The following ITIH5 variants were observed in gnomAD, a reference collection of about 807,000 sequenced individuals.
ITIH5 encodes inter-alpha-trypsin inhibitor heavy chain 5, also known as inter-alpha-trypsin inhibitor heavy chain H5.
In ITIH5, 65 loss-of-function variants were observed where a neutral mutation model predicts 77.5. That is an observed-to-expected ratio of 0.84 (90% CI 0.69 to 1.03). The LOEUF (loss-of-function observed/expected upper bound fraction) is 1.03, where lower values mean the gene tolerates loss of function less well. ITIH5 is among the 50% of genes least tolerant of loss of function. The probability of loss-of-function intolerance (pLI) is 0.00; values close to 1 mark genes in which losing one functional copy is unlikely to be tolerated. For missense variants in ITIH5, 1,208 were observed against 1,213.1 expected, an observed-to-expected ratio of 1.00 and a Z score of 0.06; for synonymous variants, 525 against 494.3, an observed-to-expected ratio of 1.06 and a Z score of -0.82.
intron 7 of ITIH5, among the ~76,000 whole-genome samples, chr10:7,612,679 A>C (rs1417806044): frequency 6.6e-6 from 1 of 150,920 alleles, no homozygotes; most frequent in Non-Finnish European, 1.5e-5. Flanking sequence ...TTTTTTAGAA[A>C]GGAAAAGAAA....
At chr10:7,593,487 C>A (rs7093748) in intron 7 of ITIH5, among the ~76,000 whole-genome samples, 33 of 20,666 alleles carry the variant, frequency 1.6e-3, no homozygotes, top group South Asian at 4.6e-3. Context: ...TGCAGCCACC[C>A]AGCCCCACTC....
At chr10:7,592,878 C>T (rs1292290371) in intron 7 of ITIH5, among the ~76,000 whole-genome samples, 2 of 151,974 alleles carry the variant, frequency 1.3e-5, no homozygotes, top group South Asian at 2.1e-4. Context: ...CATGCAGTGG[C>T]GGTGGTGGGG....
At chr10:7,643,627 G>A (rs1833922737) in intron 2 of ITIH5, among the ~76,000 whole-genome samples, 1 of 152,180 alleles carries the variant, frequency 6.6e-6, no homozygotes, top group Non-Finnish European at 1.5e-5. Context: ...ACTCTGATAA[G>A]ATTCTACTCT....
chr10:7,610,741 A>G (rs1008085574), intron 7 of ITIH5, among the ~76,000 whole-genome samples: 5 of 152,238 alleles, frequency 3.3e-5, no homozygotes, highest in African/African-American at 1.2e-4. Flanking sequence ...AGAACTGCAA[A>G]AATAGTCCGC....
chr10:7,562,655 G>T lies in ITIH5; in HGVS notation c.*428C>A. 1 of 201,366 alleles carries T rather than the reference G, an allele frequency of 5.0e-6. No individual in the cohort carries two copies. The highest frequency in any genetic ancestry group is 1.0e-4 in the South Asian group (1 of 9,822). 12.5% of individuals were successfully genotyped at this position (201,366 alleles called of 1,614,324 possible). On this transcript the variant is annotated 3_prime_UTR_variant, in exon 14 of 14. Coordinates refer to ENST00000397146, the MANE Select transcript of ITIH5 (RefSeq NM_030569.7). The stretch of plus-strand genomic sequence containing the variant: ...TGAAAAGACAGCTTTCTAAGCATTA[G>T]TGTAAGGCAAAAAGCAGAGTGCCTA...
rs996267123 is a variant in ITIH5, at chr10:7,641,821, A to T, written c.299+106T>A. 3.6e-6 allele frequency: 3 copies of T among 841,738 alleles called. No individual in the cohort carries two copies. In the East Asian group the frequency reaches 7.3e-5, roughly 21 times the overall value. The allele number at this position is 841,738 out of a possible 1,614,324, so 52.1% of individuals were successfully genotyped here. A position where few individuals can be genotyped will look rare whatever the true frequency, so the allele number is the denominator to read the frequency against. On this transcript the variant is annotated intron_variant, in intron 3 of 13. Coordinates refer to ENST00000397146, the MANE Select transcript of ITIH5 (RefSeq NM_030569.7). ...TGACCTTCTGATCTATATACCATCT[A>T]CTGGAATATAAATCCTCACAGTCAC...
intron 2 of ITIH5, among the ~76,000 whole-genome samples, chr10:7,644,529 T>A (rs1398125186): frequency 8.5e-6 from 1 of 117,464 alleles, no homozygotes; most frequent in African/African-American, 3.6e-5. Flanking sequence ...CACATATATA[T>A]GATATATCAC....
chr10:7,642,741 A>G (rs759160418), intron 2 of ITIH5, among the ~76,000 whole-genome samples: 27 of 152,242 alleles, frequency 1.8e-4, no homozygotes, highest in Admixed American at 3.9e-4. Flanking sequence ...TGCAAATGTA[A>G]AAGCCTGTTA....
chr10:7,590,002 A>C (rs4481931), intron 7 of ITIH5, among the ~76,000 whole-genome samples: 39,385 of 146,826 alleles, frequency 0.27, 5,402 homozygotes, highest in East Asian at 0.5. Context: ...AGGTGACATC[A>C]TCCATCCCCA....
In ITIH5 at chr10:7,576,606, C is replaced by T. The variant is rs148052082; in HGVS notation, c.1825G>A (p.Ala609Thr). 6.2e-7 allele frequency: 1 copy of T among 1,614,112 alleles called. No homozygotes were observed. Among genetic ancestry groups the T allele is most frequent in the Non-Finnish European group, 8.5e-7 (1 of 1,180,048 alleles). ...GGAGTGAGGAAGCGGTAGCTCACAG[C>T]CAGGGCCTGGGCCCGCTGCCGCAGC... ...ERLRQRAQAL[A>T]VSYRFLTPFT... The change falls in exon 10 of 14, where the codon GCT (alanine) becomes ACT (threonine). Residue 609 changes from alanine (A) to threonine (T), a missense_variant. Ala to Thr is a moderately conservative substitution (Grantham distance 58). Transcript: ENST00000397146.
At chr10:7,595,681 T>C (rs1239928095) in intron 7 of ITIH5, among the ~76,000 whole-genome samples, 2 of 152,210 alleles carry the variant, frequency 1.3e-5, no homozygotes, top group Non-Finnish European at 2.9e-5. Context: ...TCTTTCTATT[T>C]AAATTCTTCC....
At chr10:7,584,206 C>T (rs68108887) in intron 8 of ITIH5, among the ~76,000 whole-genome samples, 32,755 of 151,898 alleles carry the variant, frequency 0.22, 3,987 homozygotes, top group Non-Finnish European at 0.27. Context: ...GAGGCTAGGG[C>T]AATGCAGTTC....
At chr10:7,565,568 A>G (rs1832133602) in intron 13 of ITIH5, among the ~76,000 whole-genome samples, 1 of 149,212 alleles carries the variant, frequency 6.7e-6, no homozygotes, top group Admixed American at 6.7e-5. Context: ...ATACATACAG[A>G]CGGTATATAT....
chr10:7,574,105 G>A (rs73617515), intron 10 of ITIH5, among the ~76,000 whole-genome samples: 10,409 of 152,282 alleles, frequency 0.068, 677 homozygotes, highest in African/African-American at 0.16. Flanking sequence ...TTACAAAGCA[G>A]AAGATTTTGA....
rs376071464 is a variant in ITIH5 at position 7,576,496 on chromosome 10, G to A, written c.1935C>T (p.Pro645=). The change falls in exon 10 of 14, where the codon CCC becomes CCT. Residue 645 remains proline (P), a synonymous_variant. Transcript: ENST00000397146. ...CTCGCACGCTCTGCACCACCGGTTC[G>A]GGTCCCATGGCAGCCGACATGCCGT... The part of the protein sequence containing the change: ...EAHGMSAAMG[P]EPVVQSVRGA... 1.2e-5 allele frequency: 19 copies of A among 1,609,284 alleles called. No individual in the cohort carries two copies. The highest frequency in any genetic ancestry group is 1.1e-4 in the East Asian group (5 of 44,858).
At position 7,666,865 on chromosome 10, in the gene ITIH5, C is replaced by G; in HGVS notation, c.28G>C (p.Gly10Arg). 2 of 1,600,140 alleles carry G rather than the reference C, an allele frequency of 1.2e-6. No individual in the cohort carries two copies. Among genetic ancestry groups the G allele is most frequent in the South Asian group, 1.1e-5 (1 of 89,306 alleles). The change falls in exon 1 of 14, where the codon GGG (glycine) becomes CGG (arginine). Residue 10 changes from glycine to arginine, a missense_variant. Transcript: ENST00000397146. MLLLLGLCL[G>R]LSLCVGSQEE... ...TGCGACCCCACACACAGGGACAGCC[C>G]CAGGCACAGCCCCAGCAGCAGGAGC... is the stretch of plus-strand genomic sequence containing the variant.
chr10:7,600,325 T>C (rs528025810), intron 7 of ITIH5, among the ~76,000 whole-genome samples: 22 of 152,290 alleles, frequency 1.4e-4, no homozygotes, highest in African/African-American at 5.1e-4. Context: ...TGAAACCCCA[T>C]TTTCCCACCT....
chr10:7,615,288 A>G (rs1332606229), intron 7 of ITIH5, among the ~76,000 whole-genome samples: 1 of 152,234 alleles, frequency 6.6e-6, no homozygotes, highest in African/African-American at 2.4e-5. Context: ...AATGAATTTT[A>G]GAAGACAAAC....
chr10:7,637,128 C>T, intron 5 of ITIH5, 100 bp downstream of exon 5: 3 of 1,401,970 alleles, frequency 2.1e-6, no homozygotes, highest in Non-Finnish European at 1.9e-6. Flanking sequence ...AAAGGCTTTG[C>T]TGAAGGGAAG....
Sources: gnomAD v4.1 joint callset for allele counts (sites outside exome capture counted in the v4.1 genomes callset) on GRCh38, gnomAD v4.1.1 for gene constraint, MANE v1.5 for transcripts, NCBI Gene and HGNC (gene_info 2026-07-23, HGNC 2026-07-21) for gene names.